ZFYVE26: variants seen among roughly 807,000 people sequenced by gnomAD.
ZFYVE26 encodes the protein zinc finger FYVE domain-containing protein 26.
A neutral mutation model predicts 276.5 loss-of-function variants in ZFYVE26; 181 were observed. The ratio of observed to expected loss-of-function variants is 0.65; its 90% confidence interval spans 0.58 to 0.74. The LOEUF (loss-of-function observed/expected upper bound fraction) is 0.74. Ranked by LOEUF, ZFYVE26 falls within the 30% of genes least tolerant of loss-of-function variation. ZFYVE26 has a pLI of 0.00. For synonymous variants in ZFYVE26, 1,129 were observed against 1,203.1 expected (o/e 0.94, Z 1.27); for missense variants, 2,821 against 3,097.9 (o/e 0.91, Z 2.12).
chr14:67,776,246 T>C (rs954492767), intron 25 of ZFYVE26, 140 bp from the exon 26 acceptor site: 4 of 1,238,788 alleles, frequency 3.2e-6, no homozygotes, highest in African/African-American at 3.0e-5. Context: ...CGCAGTCTTT[T>C]AGGAAGGCTG....
At position 67,783,081 on chromosome 14, in the gene ZFYVE26, C is replaced by T. The variant is rs780774765; in HGVS notation, c.4071G>A (p.Glu1357=). 34 of 1,613,676 alleles carry T rather than the reference C, an allele frequency of 2.1e-5. No homozygotes were observed. The highest frequency in any genetic ancestry group is 2.8e-5 in the Non-Finnish European group (33 of 1,179,738). ...ACAGAGGGAATTGTTCCAGAAGGCG[C>T]TCACACTCCCGGGCTACCTGCTCTG... is the stretch of plus-strand genomic sequence containing the variant. The part of the protein sequence containing the change: ...LAAEQVAREC[E]RLLEQFPLFE... The change falls in exon 21 of 42, where the codon GAG becomes GAA. Residue 1357 remains glutamate, a synonymous_variant. Transcript: ENST00000347230.
intron 16 of ZFYVE26, 109 bp downstream of exon 16, chr14:67,789,226 C>T: frequency 6.8e-7 from 1 of 1,475,492 alleles, no homozygotes; most frequent in South Asian, 1.1e-5. Context: ...ATAATCCATT[C>T]ACCATCTGCC....
chr14:67,749,720 G>A (rs910025227), intron 41 of ZFYVE26, among the ~76,000 whole-genome samples: 2 of 152,130 alleles, frequency 1.3e-5, no homozygotes, highest in Non-Finnish European at 2.9e-5. Context: ...CATGTTCTGA[G>A]GTCACTAAAG....
chr14:67,780,273 A>G lies in ZFYVE26; in HGVS notation c.4642T>C (p.Ser1548Pro), dbSNP rs1035720966. 2.1e-5 allele frequency: 34 copies of G among 1,613,892 alleles called. No homozygotes were observed. The highest frequency in any genetic ancestry group is 2.6e-5 in the Non-Finnish European group (31 of 1,179,996). ...TCTAGAATCATGTTCATGACAGTTG[A>G]TGGGTCCTCAACACAACAGCTCCTC... is the stretch of plus-strand genomic sequence containing the variant. The part of the protein sequence containing the change: ...TLRSCCVEDP[S>P]TVMNMILEAQ... Residue 1548 changes from serine to proline, a missense_variant, in exon 23 of 42, where the codon TCA becomes CCA. Transcript: ENST00000347230.
chr14:67,804,970 C>G (rs192537502), intron 8 of ZFYVE26, among the ~76,000 whole-genome samples: 2 of 152,182 alleles, frequency 1.3e-5, no homozygotes, highest in African/African-American at 4.8e-5. Context: ...ACTGGAAATG[C>G]GAGCTATTGT....
At chr14:67,810,491 T>C (rs1263481085) in intron 3 of ZFYVE26, among the ~76,000 whole-genome samples, 1 of 152,242 alleles carries the variant, frequency 6.6e-6, no homozygotes, top group African/African-American at 2.4e-5. Flanking sequence ...GGCACATATT[T>C]ATATATTTTT....
intron 35 of ZFYVE26, 21 bp from the exon 36 acceptor site, chr14:67,756,166 A>T (rs752238954): frequency 6.2e-7 from 1 of 1,613,608 alleles, no homozygotes; most frequent in Non-Finnish European, 8.5e-7. Context: ...GCAGGGCGAG[A>T]AGTCAGAAGT....
chr14:67,788,738 ATTCACCACTCCTCCCTCTATATTAC>A, intron 16 of ZFYVE26, among the ~76,000 whole-genome samples: 1 of 152,038 alleles, frequency 6.6e-6, no homozygotes, highest in Non-Finnish European at 1.5e-5. Context: ...ATCATAACCT[ATTCACCACTCCTCCCTCTATATTAC>A]TAAGGCAGAA....
downstream of ZFYVE26, among the ~76,000 whole-genome samples, chr14:67,742,053 G>A (rs1424437030): frequency 1.3e-5 from 2 of 152,206 alleles, no homozygotes; most frequent in East Asian, 3.8e-4. Flanking sequence ...GAGTATGGCT[G>A]GAGAAAATCA....
chr14:67,761,438 G>C lies in ZFYVE26; in HGVS notation c.6516C>G (p.Thr2172=). The change falls in exon 35 of 42, where the codon ACC becomes ACG. Residue 2172 remains threonine (T), a synonymous_variant. Transcript: ENST00000347230. ...ECLFYLHNYS[T]NLAIISFYVR... ...CGTAGAAGCTGATGATGGCCAGGTT[G>C]GTGCTATAGTTGTGCAGGTAGAAGA... The C allele has an allele frequency of 6.2e-7, 1 of 1,614,140 alleles. No homozygotes were observed. The highest frequency in any genetic ancestry group is 2.2e-5 in the East Asian group (1 of 44,878).
At chr14:67,756,242 C>T in intron 35 of ZFYVE26, 97 bp from the exon 36 acceptor site, 1 of 1,246,078 alleles carries the variant, frequency 8.0e-7, no homozygotes, top group Non-Finnish European at 1.2e-6. Context: ...GAACCTTCAG[C>T]ATCCTCCCAA....
chr14:67,775,005 C>G lies in ZFYVE26; in HGVS notation c.5320+11G>C, dbSNP rs1207474687. ...GAAAAATTTTAGTGAATCATCAGAG[C>G]CAGTTCTTACCAGGAGGAGCAGCAG... On this transcript the variant is annotated intron_variant, in intron 27 of 41. Transcript: ENST00000347230. 1 of 1,597,632 alleles carries G rather than the reference C, an allele frequency of 6.3e-7. No individual in the cohort carries two copies. Among genetic ancestry groups the G allele is most frequent in the Admixed American group, 1.7e-5 (1 of 58,688 alleles).
intron 16 of ZFYVE26, among the ~76,000 whole-genome samples, chr14:67,787,719 C>T (rs1000876574): frequency 6.6e-6 from 1 of 152,190 alleles, no homozygotes; most frequent in African/African-American, 2.4e-5. Flanking sequence ...GAGCAGATCA[C>T]TGGACACAAA....
chr14:67,749,272 C>T (rs755690707), intron 41 of ZFYVE26, among the ~76,000 whole-genome samples: 1 of 152,114 alleles, frequency 6.6e-6, no homozygotes, highest in Non-Finnish European at 1.5e-5. Flanking sequence ...CACAGGAAAT[C>T]TGGGGAGGAA....
chr14:67,814,842 GAA>G (rs2040369976), intron 2 of ZFYVE26, among the ~76,000 whole-genome samples: 1 of 152,170 alleles, frequency 6.6e-6, no homozygotes, highest in Non-Finnish European at 1.5e-5. Flanking sequence ...AGGAGAAAAA[GAA>G]AAGGAAGGGA....
chr14:67,763,362 TAC>T (rs1283693092), intron 32 of ZFYVE26, among the ~76,000 whole-genome samples: 1 of 152,218 alleles, frequency 6.6e-6, no homozygotes, highest in Non-Finnish European at 1.5e-5. Flanking sequence ...AAAATGGATA[TAC>T]AGTCATGTGC....
intron 19 of ZFYVE26, among the ~76,000 whole-genome samples, 189 bp downstream of exon 19, chr14:67,784,870 T>A (rs944115139): frequency 2.6e-5 from 4 of 152,228 alleles, no homozygotes; most frequent in African/African-American, 9.6e-5. Context: ...TACTCCCATG[T>A]GCTATACAGC....
intron 3 of ZFYVE26, 119 bp from the exon 4 acceptor site, chr14:67,809,408 CTTTTTTTT>C (rs10580613): frequency 9.6e-6 from 2 of 208,308 alleles, no homozygotes; most frequent in South Asian, 8.4e-5. Flanking sequence ...ATGAAGCACT[CTTTTTTTT>C]TTTTTTTTTT....
At chr14:67,776,197 T>G in intron 25 of ZFYVE26, 91 bp from the exon 26 acceptor site, 1 of 1,583,002 alleles carries the variant, frequency 6.3e-7, no homozygotes, top group East Asian at 2.2e-5. Context: ...GAAGGGTGCA[T>G]GAGAACAAAA....
Sources: gnomAD v4.1 joint callset for allele counts (sites outside exome capture counted in the v4.1 genomes callset) on GRCh38, gnomAD v4.1.1 for gene constraint, MANE v1.5 for transcripts, NCBI Gene and HGNC (gene_info 2026-07-23, HGNC 2026-07-21) for gene names.